DNAJC1: variants seen among roughly 807,000 people sequenced by gnomAD.
DNAJC1 encodes the protein dnaJ homolog subfamily C member 1.
A neutral mutation model predicts 76.6 loss-of-function variants in DNAJC1; 58 were observed. The ratio of observed to expected loss-of-function variants is 0.76; its 90% CI spans 0.61 to 0.94. The LOEUF is 0.94. DNAJC1 is among the 40% of genes least tolerant of loss of function. The pLI is 0.00. For missense variants in DNAJC1, 689 were observed against 677.3 expected (o/e 1.02, Z -0.19); for synonymous variants, 258 against 267.9 (o/e 0.96, Z 0.36).
chr10:21,952,798 C>T lies in DNAJC1; in HGVS notation c.223-23657G>A, dbSNP rs74457492. Among the ~76,000 whole-genome samples the T allele has an allele frequency of 6.1e-3, 921 of 152,202 alleles. 6 individuals are homozygous for T. Among genetic ancestry groups the T allele is most frequent in the African/African-American group, 0.021 (864 of 41,538 alleles). ...TCAATCGATAATAAAGACAGGGTCT[C>T]GCATATTGCCCAGGCTGGTCTCAAA... On this transcript the variant is annotated intron_variant, in intron 1 of 11. Transcript: ENST00000376980.
intron 8 of DNAJC1, among the ~76,000 whole-genome samples, chr10:21,824,808 T>C (rs1835220379): frequency 6.6e-6 from 1 of 152,204 alleles, no homozygotes; most frequent in South Asian, 2.1e-4. Flanking sequence ...TGTTTCGCTC[T>C]TATTGCCCAG....
intron 3 of DNAJC1, among the ~76,000 whole-genome samples, chr10:21,925,166 T>C (rs116036596): frequency 0.025 from 3,760 of 152,094 alleles, 140 homozygotes; most frequent in African/African-American, 0.085. Context: ...CATGCAACAC[T>C]ACACCCTGGT....
chr10:21,969,223 C>CAAA (rs561143181), intron 1 of DNAJC1, among the ~76,000 whole-genome samples: 3 of 87,062 alleles, frequency 3.4e-5, no homozygotes, highest in Admixed American at 1.2e-4. Flanking sequence ...GACTCCATTT[C>CAAA]AAAAAAAAAA....
chr10:21,962,551 C>G (rs1173359571), intron 1 of DNAJC1, among the ~76,000 whole-genome samples: 1 of 145,198 alleles, frequency 6.9e-6, no homozygotes, highest in Non-Finnish European at 1.5e-5. Context: ...CACTGCAGCC[C>G]TGACCTCCTG....
chr10:21,856,382 A>G (rs1177571193), intron 8 of DNAJC1, among the ~76,000 whole-genome samples: 1 of 152,166 alleles, frequency 6.6e-6, no homozygotes, highest in Non-Finnish European at 1.5e-5. Flanking sequence ...GTCTTTGAGG[A>G]TATTTACATC....
intron 8 of DNAJC1, among the ~76,000 whole-genome samples, chr10:21,864,549 G>T (rs1030408660): frequency 2.6e-5 from 4 of 152,066 alleles, no homozygotes; most frequent in South Asian, 2.1e-4. Context: ...TTGAACCCGG[G>T]GGGTGGAGGT....
In DNAJC1 at chr10:21,820,689, A is replaced by C. The variant is rs974816773; in HGVS notation, c.979-14590T>G. On this transcript the variant is annotated intron_variant, in intron 8 of 11. Coordinates refer to ENST00000376980, the MANE Select transcript of DNAJC1 (RefSeq NM_022365.4). ...CCCCCCAGACCCTCCAACCCGATGGAAGCCTGGGCCTCCAGAACTTCTGAC... is the reference window on the plus strand; with the variant it reads ...CCCCCCAGACCCTCCAACCCGATGGCAGCCTGGGCCTCCAGAACTTCTGAC... Among the ~76,000 whole-genome samples the C allele has an allele frequency of 5.3e-5, 8 of 152,316 alleles. No individual in the cohort carries two copies. The South Asian group carries it at 8.3e-4, about 16-fold the overall frequency.
At chr10:21,897,629 T>C (rs1015204316) in intron 7 of DNAJC1, among the ~76,000 whole-genome samples, 3 of 152,164 alleles carry the variant, frequency 2.0e-5, no homozygotes, top group Admixed American at 2.0e-4. Context: ...AGAATCTAAC[T>C]ACAGTTTCAT....
intron 8 of DNAJC1, among the ~76,000 whole-genome samples, chr10:21,830,564 G>C (rs1245740366): frequency 6.6e-6 from 1 of 152,010 alleles, no homozygotes; most frequent in South Asian, 2.1e-4. Flanking sequence ...TTTAGAGGTA[G>C]ACTGTTTTTA....
At chr10:21,783,983 C>T (rs1164525908) in intron 9 of DNAJC1, among the ~76,000 whole-genome samples, 3 of 152,112 alleles carry the variant, frequency 2.0e-5, no homozygotes, top group South Asian at 2.1e-4. Context: ...ATTCAGGACA[C>T]AGGCATGGGC....
At chr10:21,845,230 GC>G (rs1160325509) in intron 8 of DNAJC1, among the ~76,000 whole-genome samples, 1 of 152,056 alleles carries the variant, frequency 6.6e-6, no homozygotes, top group Non-Finnish European at 1.5e-5. Context: ...TGTCTCGTGT[GC>G]CATTGCATAG....
intron 8 of DNAJC1, among the ~76,000 whole-genome samples, chr10:21,818,536 C>A (rs1835108803): frequency 6.6e-6 from 1 of 152,174 alleles, no homozygotes; most frequent in Non-Finnish European, 1.5e-5. Context: ...GCTCCCTCCC[C>A]TTTTGAAAAT....
intron 10 of DNAJC1, among the ~76,000 whole-genome samples, chr10:21,765,786 G>A (rs1834293396): frequency 2.6e-5 from 4 of 152,166 alleles, no homozygotes; most frequent in Admixed American, 2.6e-4. Flanking sequence ...AGAGGTTGCA[G>A]TGAGCCGAGA....
At chr10:21,940,474 G>C (rs922103838) in intron 1 of DNAJC1, among the ~76,000 whole-genome samples, 1 of 152,130 alleles carries the variant, frequency 6.6e-6, no homozygotes, top group African/African-American at 2.4e-5. Context: ...TTGCTGATAA[G>C]AGAACATTTA....
chr10:21,896,445 T>A lies in DNAJC1; in HGVS notation c.820+8077A>T, dbSNP rs142744720. ...GCTTACTTGGGGACTGTTACCCCTT[T>A]ATTCTTTCCTATTTCTCCCTCTTTG... On this transcript the variant is annotated intron_variant, in intron 7 of 11. Transcript: ENST00000376980. 3.1e-3 allele frequency among the ~76,000 whole-genome samples: 469 copies of A among 152,354 alleles called. 4 individuals carry two copies. Among genetic ancestry groups the A allele is most frequent in the African/African-American group, 0.01 (423 of 41,580 alleles).
At chr10:21,986,853 C>G (rs894039565) in intron 1 of DNAJC1, among the ~76,000 whole-genome samples, 1 of 151,984 alleles carries the variant, frequency 6.6e-6, no homozygotes, top group African/African-American at 2.4e-5. Context: ...CTGCAAACTC[C>G]GCCTCCCAGG....
At chr10:21,901,493 C>A (rs2131741849) in intron 7 of DNAJC1, among the ~76,000 whole-genome samples, 1 of 152,218 alleles carries the variant, frequency 6.6e-6, no homozygotes, top group South Asian at 2.1e-4. Context: ...ACCTAAACCA[C>A]AAAATTGATT....
chr10:21,911,350 C>T (rs1190612842), intron 6 of DNAJC1, among the ~76,000 whole-genome samples: 1 of 152,060 alleles, frequency 6.6e-6, no homozygotes, highest in Non-Finnish European at 1.5e-5. Context: ...AAATCAAATG[C>T]TCTATATTGT....
chr10:21,840,944 T>C, intron 8 of DNAJC1, among the ~76,000 whole-genome samples: 1 of 152,028 alleles, frequency 6.6e-6, no homozygotes. Context: ...TCAGAAATAA[T>C]GCCGCATATC....
Sources: allele counts gnomAD v4.1 joint callset (sites outside exome capture counted in the v4.1 genomes callset), GRCh38; gene constraint gnomAD v4.1.1; transcripts MANE v1.5; gene names NCBI Gene and HGNC (gene_info 2026-07-23, HGNC 2026-07-21).